TRMT6: variants seen among roughly 807,000 people sequenced by gnomAD.
The protein encoded by TRMT6 is tRNA methyltransferase 6 non-catalytic subunit, also known as tRNA (adenine(58)-N(1))-methyltransferase non-catalytic subunit TRM6.
A neutral mutation model predicts 59.0 loss-of-function variants in TRMT6; 34 were observed. The ratio of observed to expected loss-of-function variants is 0.58; its 90% CI spans 0.44 to 0.77. TRMT6 has a LOEUF of 0.77. TRMT6 is among the 30% of genes least tolerant of loss of function. TRMT6 has a pLI of 0.00. For missense variants in TRMT6, 575 were observed against 604.5 expected, an observed-to-expected ratio of 0.95 and a Z score of 0.51; for synonymous variants, 217 against 210.5, an observed-to-expected ratio of 1.03 and a Z score of -0.27.
chr20:5,942,866 A>G lies in TRMT6; in HGVS notation c.668-80T>C, dbSNP rs2088670966. The G allele has an allele frequency of 4.7e-6, 5 of 1,056,638 alleles. No individual in the cohort carries two copies. In the African/African-American group the frequency reaches 6.4e-5, roughly 13 times the overall value. 65.5% of individuals were successfully genotyped at this position (1,056,638 alleles called of 1,614,324 possible). On this transcript the variant is annotated intron_variant, in intron 6 of 10. Coordinates refer to ENST00000203001, the MANE Select transcript of TRMT6 (RefSeq NM_015939.5). Reference sequence around the variant, plus strand: ...AACCCTCAGTGAGTCCTCCACAGTAATGAGACTGAAGGTCTTTCTATTAGT... The same window carrying G: ...AACCCTCAGTGAGTCCTCCACAGTAGTGAGACTGAAGGTCTTTCTATTAGT...
At chr20:5,947,436 C>T (rs1367985290) in intron 1 of TRMT6, among the ~76,000 whole-genome samples, 2 of 152,242 alleles carry the variant, frequency 1.3e-5, no homozygotes, top group African/African-American at 2.4e-5. Flanking sequence ...TATACTGCCA[C>T]ATCACCCACG....
intron 1 of TRMT6, among the ~76,000 whole-genome samples, chr20:5,948,959 T>C (rs546674375): frequency 1.4e-4 from 22 of 152,292 alleles, no homozygotes; most frequent in African/African-American, 4.6e-4. Flanking sequence ...TAAGTACTTA[T>C]CAGAAATTCC....
At chr20:5,949,826 G>A (rs2088763493) in intron 1 of TRMT6, among the ~76,000 whole-genome samples, 1 of 152,146 alleles carries the variant, frequency 6.6e-6, no homozygotes, top group Non-Finnish European at 1.5e-5. Context: ...GGAGACTCTG[G>A]AGACAAGGAT....
chr20:5,941,558 G>T, intron 8 of TRMT6: 1 of 568,154 alleles, frequency 1.8e-6, no homozygotes, highest in Admixed American at 3.1e-5. Context: ...TGTGGTACTT[G>T]GCAACTCTAA....
chr20:5,943,371 A>C (rs1358575531), intron 6 of TRMT6, among the ~76,000 whole-genome samples, 188 bp downstream of exon 6: 1 of 152,128 alleles, frequency 6.6e-6, no homozygotes, highest in African/African-American at 2.4e-5. Context: ...GGGGGTACCC[A>C]TGGGTGGGGG....
chr20:5,945,230 C>G (rs1408210130), intron 2 of TRMT6, among the ~76,000 whole-genome samples: 1 of 152,232 alleles, frequency 6.6e-6, no homozygotes, highest in African/African-American at 2.4e-5. Flanking sequence ...CAAAGATGAC[C>G]TGCAAGGTCA....
At position 5,950,380 on chromosome 20, in the gene TRMT6, C is replaced by T. The variant is rs759613908; in HGVS notation, c.26G>A (p.Gly9Asp). ...GTCTCCGGGATGCTGTGGTTGTGGG[C>T]CCGGCTGCTCCCCTGAGCCCTCCAT... MEGSGEQP[G>D]PQPQHPGDHR... The change falls in exon 1 of 11, where the codon GGC (glycine) becomes GAC (aspartate). Residue 9 changes from glycine to aspartate, a missense_variant. Coordinates refer to ENST00000203001, the MANE Select transcript of TRMT6 (RefSeq NM_015939.5). 2.5e-6 allele frequency: 4 copies of T among 1,605,842 alleles called. No individual in the cohort carries two copies. Among genetic ancestry groups the T allele is most frequent in the South Asian group, 2.2e-5 (2 of 91,026 alleles).
chr20:5,942,493 T>C lies in TRMT6; in HGVS notation c.961A>G (p.Met321Val), dbSNP rs776097806. Reference sequence around the variant, plus strand: ...TCTGGATCTTGAGAAATTGTTTCCATTGTTTCCTGGTCTTCTGGGTGGTTG... The same window carrying C: ...TCTGGATCTTGAGAAATTGTTTCCACTGTTTCCTGGTCTTCTGGGTGGTTG... ...ESNHPEDQET[M>V]ETISQDPEHK... The change falls in exon 7 of 11, where the codon ATG becomes GTG. Residue 321 changes from methionine to valine, a missense_variant. By Grantham distance (21) the Met-to-Val change is conservative (BLOSUM62 1). Coordinates refer to ENST00000203001, the MANE Select transcript of TRMT6 (RefSeq NM_015939.5). The C allele has an allele frequency of 2.8e-5, 46 of 1,614,136 alleles. 1 individual carries two copies. The East Asian group carries it at 1.0e-3, about 36-fold the overall frequency.
chr20:5,940,102 C>T (rs192439394), intron 10 of TRMT6, among the ~76,000 whole-genome samples: 1 of 152,314 alleles, frequency 6.6e-6, no homozygotes, highest in East Asian at 1.9e-4. Context: ...CACTTGGGCT[C>T]GCCATCAGCC....
At position 5,941,137 on chromosome 20, in the gene TRMT6, A is replaced by G; in HGVS notation, c.1218T>C (p.Pro406=). 1 of 1,614,072 alleles carries G rather than the reference A, an allele frequency of 6.2e-7. No homozygotes were observed. The highest frequency in any genetic ancestry group is 1.1e-5 in the South Asian group (1 of 91,078). Residue 406 remains proline, a splice_region_variant and synonymous_variant, in exon 10 of 11, where the codon CCT becomes CCC. Transcript: ENST00000203001. The part of the protein sequence containing the change: ...PFVVYCQYKE[P]LLECYTKLRE... ...GCAGTTTTGTGTAGCATTCCAACAG[A>G]GGCTGCAGACAACAACAGAATTCTG...
chr20:5,938,796 A>G, intron 10 of TRMT6, 70 bp from the exon 11 acceptor site: 2 of 1,364,404 alleles, frequency 1.5e-6, no homozygotes, highest in East Asian at 2.3e-5. Context: ...CACATATACC[A>G]AAAATCAGAA....
intron 1 of TRMT6, among the ~76,000 whole-genome samples, chr20:5,947,355 A>T (rs2088716725): frequency 6.6e-6 from 1 of 152,194 alleles, no homozygotes; most frequent in Admixed American, 6.5e-5. Flanking sequence ...GTGGTGGTTA[A>T]TTCTGATTGT....
chr20:5,938,331 C>T lies in TRMT6; in HGVS notation c.*204G>A. 1.9e-6 allele frequency: 1 copy of T among 534,216 alleles called. No individual in the cohort carries two copies. The highest frequency in any genetic ancestry group is 3.2e-5 in the South Asian group (1 of 30,940). 33.1% of individuals were successfully genotyped at this position (534,216 alleles called of 1,614,324 possible). A position where few individuals can be genotyped will look rare whatever the true frequency, so the allele number is the denominator to read the frequency against. On this transcript the variant is annotated 3_prime_UTR_variant, in exon 11 of 11. Coordinates refer to ENST00000203001, the MANE Select transcript of TRMT6 (RefSeq NM_015939.5). ...TTGTTAAATGCAGTTGGTCATACTA[C>T]ATACCCCATGGTTGCAGTTTTGACA...
chr20:5,938,750 C>T, intron 10 of TRMT6, 24 bp from the exon 11 acceptor site: 1 of 1,606,654 alleles, frequency 6.2e-7, no homozygotes, highest in Non-Finnish European at 8.5e-7. Context: ...AAAAGACATT[C>T]ATGCTTTCCT....
chr20:5,944,726 T>G, intron 3 of TRMT6, 79 bp downstream of exon 3: 1 of 1,039,462 alleles, frequency 9.6e-7, no homozygotes, highest in Non-Finnish European at 1.5e-6. Flanking sequence ...TTACCTTAGG[T>G]ACAGTCTGCT....
rs10485494 is a variant in TRMT6 at position 5,938,732 on chromosome 20, C to G, written c.1303-6G>C. 72,967 of 1,612,808 alleles carry G rather than the reference C, an allele frequency of 0.045. 1,783 individuals are homozygous for G. The highest frequency in any genetic ancestry group is 0.071 in the Middle Eastern group (430 of 6,054). ...TGACTTCGATCTGGCAAAACCTAATCAAGACAGAAAAGACATTCATGCTTT... is the reference window on the plus strand; with the variant it reads ...TGACTTCGATCTGGCAAAACCTAATGAAGACAGAAAAGACATTCATGCTTT... On this transcript the variant is annotated splice_polypyrimidine_tract_variant and splice_region_variant and intron_variant, in intron 10 of 10. Transcript: ENST00000203001.
Position 5,950,440 on chromosome 20 carries a change from C to A in TRMT6, c.-35G>T. On this transcript the variant is annotated 5_prime_UTR_variant, in exon 1 of 11. Transcript: ENST00000203001. ...CCGGTCGCCGTGCTCCACGGCGTCC[C>A]GCCCCTCCTCCTCGGTTGTCGCCAC... 1 of 1,550,572 alleles carries A rather than the reference C, an allele frequency of 6.4e-7. No individual in the cohort carries two copies. Among genetic ancestry groups the A allele is most frequent in the Non-Finnish European group, 8.7e-7 (1 of 1,150,300 alleles).
intron 6 of TRMT6, 33 bp downstream of exon 6, chr20:5,943,526 G>A (rs2088677348): frequency 1.2e-6 from 2 of 1,612,610 alleles, no homozygotes; most frequent in Non-Finnish European, 1.7e-6. Flanking sequence ...ATCAGGGTGG[G>A]GTTTTGTTGA....
intron 3 of TRMT6, 37 bp downstream of exon 3, chr20:5,944,768 C>G (rs1441652321): frequency 3.2e-6 from 5 of 1,545,918 alleles, no homozygotes; most frequent in South Asian, 1.1e-5. Context: ...AAATGCCAAA[C>G]AGACAAAAAC....
Sources: gnomAD v4.1 joint callset for allele counts (sites outside exome capture counted in the v4.1 genomes callset) on GRCh38, gnomAD v4.1.1 for gene constraint, MANE v1.5 for transcripts, NCBI Gene and HGNC (gene_info 2026-07-23, HGNC 2026-07-21) for gene names.